Variants in KIAA1755 observed in about 807,000 individuals in gnomAD.
KIAA1755 encodes uncharacterized protein KIAA1755.
KIAA1755 carries 68 observed loss-of-function variants against 91.7 expected under a neutral mutation model. The observed-to-expected ratio is 0.74, with a 90% confidence interval of 0.61 to 0.91. The LOEUF (loss-of-function observed/expected upper bound fraction) is 0.91. KIAA1755 is among the 40% of genes least tolerant of loss of function. The pLI is 0.00. For synonymous variants in KIAA1755, 610 were observed against 604.6 expected (o/e 1.01, Z -0.13); for missense variants, 1,535 against 1,494.4 (o/e 1.03, Z -0.45).
rs759883670 is a variant in KIAA1755 at position 38,250,500 on chromosome 20, G to GTGTGTGTC, written c.4-4375_4-4374insGACACACA. On this transcript the variant is annotated intron_variant, in intron 1 of 13. Coordinates refer to ENST00000279024, the MANE Select transcript of KIAA1755 (RefSeq NM_001029864.2). ...TATTATTATTATGGTGTGTGTGTGT[G>GTGTGTGTC]TGTGTGTGTGTCTGTGTGTGTGTGT... 8.8e-3 allele frequency among the ~76,000 whole-genome samples: 1,214 copies of GTGTGTGTC among 138,114 alleles called. 7 individuals are homozygous for GTGTGTGTC. The highest frequency in any genetic ancestry group is 0.012 in the Non-Finnish European group (744 of 63,754). 90.6% of individuals were successfully genotyped at this position (138,114 alleles called of 152,430 possible). A position where few individuals can be genotyped will look rare whatever the true frequency, so the allele number is the denominator to read the frequency against.
At position 38,225,495 on chromosome 20, in the gene KIAA1755, C is replaced by T. The variant is rs192029696; in HGVS notation, c.2169+170G>A. The stretch of plus-strand genomic sequence containing the variant: ...TGGGATTGCAATGTAGGCAGCCTGG[C>T]CCCAGAGCCTGAGCTCTTAATCATT... On this transcript the variant is annotated intron_variant, in intron 8 of 13. Transcript: ENST00000279024. 2.5e-3 allele frequency: 1,516 copies of T among 611,602 alleles called. 3 individuals are homozygous for T. The highest frequency in any genetic ancestry group is 3.6e-3 in the Non-Finnish European group (1,233 of 340,826). The allele number at this position is 611,602 out of a possible 1,614,324, so 37.9% of individuals were successfully genotyped here. A position where few individuals can be genotyped will look rare whatever the true frequency, so the allele number is the denominator to read the frequency against.
At position 38,241,067 on chromosome 20, in the gene KIAA1755, T is replaced by C. The variant is rs749280186; in HGVS notation, c.1064A>G (p.Lys355Arg). 3.7e-6 allele frequency: 6 copies of C among 1,614,032 alleles called. No homozygotes were observed. In the Admixed American group the frequency reaches 1.0e-4, roughly 27 times the overall value. ...ERPYNLGFRR[K>R]VNLKAPTHNS... is the part of the protein sequence containing the mutation. ...GTGGGTGGGTGCTTTAAGATTGACC[T>C]TTCTCCTGAAGCCCAAATTATAGGG... The change falls in exon 3 of 14, where the codon AAG (lysine) becomes AGG (arginine). Residue 355 changes from lysine (K) to arginine (R), a missense_variant. Lys to Arg is a conservative substitution (Grantham distance 26). Coordinates refer to ENST00000279024, the MANE Select transcript of KIAA1755 (RefSeq NM_001029864.2).
chr20:38,233,933 G>C (rs1005360168), intron 4 of KIAA1755: 1 of 152,190 alleles, frequency 6.6e-6, no homozygotes, highest in African/African-American at 2.4e-5. Flanking sequence ...CAGTTAAAAT[G>C]AGGTTACTGT....
intron 4 of KIAA1755, among the ~76,000 whole-genome samples, chr20:38,236,221 T>C (rs2075958275): frequency 6.6e-6 from 1 of 151,744 alleles, no homozygotes; most frequent in African/African-American, 2.4e-5. Context: ...AAGTGTGGGG[T>C]GAGGGGATGT....
chr20:38,253,616 GA>G (rs977209372), intron 1 of KIAA1755, among the ~76,000 whole-genome samples: 2 of 152,234 alleles, frequency 1.3e-5, no homozygotes, highest in South Asian at 4.1e-4. Context: ...TGTAAGCCTA[GA>G]AAAAACTCCA....
At position 38,227,175 on chromosome 20, in the gene KIAA1755, C is replaced by G. The variant is rs1429562721; in HGVS notation, c.2031G>C (p.Leu677=). ...FLGEKEAALQ[L]QTLPDVQVEV... The stretch of plus-strand genomic sequence containing the variant: ...TCACCTGGACGTCAGGTAATGTCTG[C>G]AGCTGGAGAGCCGCCTCCTTCTCCC... The change falls in exon 7 of 14, where the codon CTG becomes CTC. Residue 677 remains leucine, a synonymous_variant. Coordinates refer to ENST00000279024, the MANE Select transcript of KIAA1755 (RefSeq NM_001029864.2). The G allele has an allele frequency of 6.2e-7, 1 of 1,613,840 alleles. No homozygotes were observed. The highest frequency in any genetic ancestry group is 8.5e-7 in the Non-Finnish European group (1 of 1,179,822).
rs2075591567 is a variant in KIAA1755 at position 38,218,369 on chromosome 20, G to A, written c.2557-3C>T. On this transcript the variant is annotated splice_region_variant and splice_polypyrimidine_tract_variant and intron_variant, in intron 11 of 13. Coordinates refer to ENST00000279024, the MANE Select transcript of KIAA1755 (RefSeq NM_001029864.2). The stretch of plus-strand genomic sequence containing the variant: ...TCCTGCTCCATCCAGTCGCTGACCT[G>A]GGGCAGGAGAGGCAGATTTGGACAT... 1 of 1,614,026 alleles carries A rather than the reference G, an allele frequency of 6.2e-7. No individual in the cohort carries two copies. The highest frequency in any genetic ancestry group is 8.5e-7 in the Non-Finnish European group (1 of 1,180,004).
chr20:38,218,206 T>G (rs769802124), intron 12 of KIAA1755, 38 bp downstream of exon 12: 1 of 1,613,358 alleles, frequency 6.2e-7, no homozygotes, highest in Non-Finnish European at 8.5e-7. Context: ...GCCCTCTCCA[T>G]CTGCTCCAGT....
At chr20:38,239,280 G>T (rs1419292750) in intron 4 of KIAA1755, among the ~76,000 whole-genome samples, 16 of 152,258 alleles carry the variant, frequency 1.1e-4, no homozygotes, top group Admixed American at 1.0e-3. Context: ...CACCTTGGCT[G>T]CTTCACTGAT....
chr20:38,225,516 T>A, intron 8 of KIAA1755, 149 bp downstream of exon 8: 2 of 665,548 alleles, frequency 3.0e-6, no homozygotes, highest in South Asian at 3.5e-5. Context: ...GAGCTCTTAA[T>A]CATTTGACTC....
At chr20:38,248,285 T>C (rs1040924391) in intron 1 of KIAA1755, among the ~76,000 whole-genome samples, 27 of 152,066 alleles carry the variant, frequency 1.8e-4, no homozygotes, top group Non-Finnish European at 1.3e-4. Context: ...CAGAGAGATG[T>C]GATGTTGCTG....
At chr20:38,258,190 T>A (rs545350000) in intron 1 of KIAA1755, among the ~76,000 whole-genome samples, 1 of 151,560 alleles carries the variant, frequency 6.6e-6, no homozygotes, top group Non-Finnish European at 1.5e-5. Flanking sequence ...CGTGAGCCAC[T>A]GCGCCCGGCT....
Position 38,241,610 on chromosome 20 carries a change from G to A in KIAA1755, c.521C>T (p.Ala174Val), listed in dbSNP as rs2076067439. The A allele has an allele frequency of 1.9e-6, 3 of 1,614,224 alleles. No individual in the cohort carries two copies. The highest frequency in any genetic ancestry group is 2.2e-5 in the South Asian group (2 of 91,082). ...GGTTATCTTGGTCCAAGGCACAGGG[G>A]CAATCCCATTTTCTGATGCTACCAA... Reference protein sequence around the residue: ...NCLVASENGIAPVPWTKITSP... With the variant: ...NCLVASENGIVPVPWTKITSP... Residue 174 changes from alanine (A) to valine (V), a missense_variant, in exon 3 of 14, where the codon GCC becomes GTC. Transcript: ENST00000279024.
chr20:38,231,231 C>T lies in KIAA1755; in HGVS notation c.1842G>A (p.Lys614=). The change falls in exon 5 of 14, where the codon AAG becomes AAA. Residue 614 remains lysine (K), a synonymous_variant. Transcript: ENST00000279024. ...APWCTVSEVT[K]LLSYLCTIPR... ...GGATGGTACACAGGTAGGACAGTAGCTTGGTGACCTCTGAAACTGTGCACC... is the reference window on the plus strand; with the variant it reads ...GGATGGTACACAGGTAGGACAGTAGTTTGGTGACCTCTGAAACTGTGCACC... 1 of 1,613,772 alleles carries T rather than the reference C, an allele frequency of 6.2e-7. No homozygotes were observed.
At chr20:38,225,590 A>C (rs1276392665) in intron 8 of KIAA1755, 75 bp downstream of exon 8, 4 of 929,488 alleles carry the variant, frequency 4.3e-6, no homozygotes, top group Non-Finnish European at 7.2e-6. Flanking sequence ...GGGTTGATGG[A>C]TCCATGGGAC....
chr20:38,243,591 C>A (rs1238368045), intron 2 of KIAA1755, among the ~76,000 whole-genome samples: 5 of 152,224 alleles, frequency 3.3e-5, no homozygotes, highest in African/African-American at 1.2e-4. Flanking sequence ...GATGATGCAA[C>A]TGAGGCTCAG....
At chr20:38,248,927 T>C (rs1287176388) in intron 1 of KIAA1755, among the ~76,000 whole-genome samples, 3 of 151,972 alleles carry the variant, frequency 2.0e-5, no homozygotes, top group Non-Finnish European at 4.4e-5. Flanking sequence ...CAGACTGGAG[T>C]GCAGTGGTGC....
Position 38,240,731 on chromosome 20 carries a change from G to T in KIAA1755, c.1400C>A (p.Pro467His). 6.4e-7 allele frequency: 1 copy of T among 1,571,370 alleles called. No individual in the cohort carries two copies. ...GAATGAGAATTTGAGCCCAGGAGTG[G>T]GGGGCTCAGGGGAGGAGGTGTTTCT... ...PSRNTSSPEP[P>H]TPGLKFSFLR... is the part of the protein sequence containing the mutation. Residue 467 changes from proline to histidine, a missense_variant, in exon 3 of 14, where the codon CCC (proline) becomes CAC (histidine). Pro to His is a moderately conservative substitution (Grantham distance 77, BLOSUM62 -2). Coordinates refer to ENST00000279024, the MANE Select transcript of KIAA1755 (RefSeq NM_001029864.2).
intron 1 of KIAA1755, among the ~76,000 whole-genome samples, chr20:38,252,689 C>T (rs185519283): frequency 2.0e-5 from 3 of 152,336 alleles, no homozygotes; most frequent in African/African-American, 7.2e-5. Context: ...CAGAGCAAGG[C>T]TCAGAGACCG....
Sources: allele counts gnomAD v4.1 joint callset (sites outside exome capture counted in the v4.1 genomes callset), GRCh38; gene constraint gnomAD v4.1.1; transcripts MANE v1.5; gene names NCBI Gene and HGNC (gene_info 2026-07-23, HGNC 2026-07-21).